Variants in CDH20 observed in about 807,000 individuals in gnomAD.
CDH20 encodes cadherin-20.
In CDH20, 29 loss-of-function variants were observed where a neutral mutation model predicts 74.2. The ratio of observed to expected loss-of-function variants is 0.39; its 90% CI spans 0.29 to 0.53. The LOEUF is 0.53. Ranked by LOEUF, CDH20 falls within the 20% of genes least tolerant of loss-of-function variation. The probability of loss-of-function intolerance (pLI) is 0.69; values close to 1 mark genes in which losing one functional copy is unlikely to be tolerated. For missense variants in CDH20, 988 were observed against 1,048.3 expected (o/e 0.94, Z 0.79); for synonymous variants, 469 against 405.4 (o/e 1.16, Z -1.88).
intron 1 of CDH20, among the ~76,000 whole-genome samples, chr18:61,427,380 T>C (rs892221954): frequency 1.3e-5 from 2 of 152,154 alleles, no homozygotes; most frequent in African/African-American, 4.8e-5. Flanking sequence ...ATTTAAATCA[T>C]TTGCCCAAGG....
chr18:61,541,551 G>C (rs565050938), intron 9 of CDH20, among the ~76,000 whole-genome samples: 1 of 152,136 alleles, frequency 6.6e-6, no homozygotes, highest in Non-Finnish European at 1.5e-5. Context: ...TTGTTATACA[G>C]TGATCTGAAG....
chr18:61,417,949 A>G (rs1434185339), intron 1 of CDH20, among the ~76,000 whole-genome samples: 1 of 151,592 alleles, frequency 6.6e-6, no homozygotes, highest in African/African-American at 2.4e-5. Flanking sequence ...TTAAGTATCC[A>G]TAATAACTAA....
chr18:61,539,070 A>T lies in CDH20; in HGVS notation c.1455A>T (p.Leu485Phe). Residue 485 changes from leucine to phenylalanine, a missense_variant, in exon 9 of 12, where the codon TTA becomes TTT. Around this residue, in one of 2 missense-constraint regions of CDH20, gnomAD observed 613 missense variants for 755.2 expected, o/e 0.81. Coordinates refer to ENST00000262717, the MANE Select transcript of CDH20 (RefSeq NM_031891.4). ...VGSVPVTIKV[L>F]DVNDNAPEFP... ...GTGTTCCTGTCACAATCAAAGTCTT[A>T]GATGTGAATGACAATGCTCCAGAGT... is the stretch of plus-strand genomic sequence containing the variant. The T allele has an allele frequency of 6.2e-7, 1 of 1,613,904 alleles. No homozygotes were observed.
intron 11 of CDH20, 85 bp from the exon 12 acceptor site, chr18:61,554,105 C>G: frequency 1.3e-6 from 2 of 1,497,724 alleles, no homozygotes; most frequent in Non-Finnish European, 9.1e-7. Context: ...CTTCCCCTAT[C>G]CGTGGTGAAT....
At chr18:61,495,477 G>T (rs1911103959) in intron 2 of CDH20, among the ~76,000 whole-genome samples, 1 of 152,190 alleles carries the variant, frequency 6.6e-6, no homozygotes, top group African/African-American at 2.4e-5. Flanking sequence ...CTCCCAGGTA[G>T]GTTCTGCCTG....
At chr18:61,404,791 T>G in intron 1 of CDH20, 1 of 309,052 alleles carries the variant, frequency 3.2e-6, no homozygotes. Flanking sequence ...AAAAAAAAAT[T>G]GTCAACTTTT....
chr18:61,490,994 C>G (rs1910940965), intron 2 of CDH20, among the ~76,000 whole-genome samples, 195 bp downstream of exon 2: 1 of 152,136 alleles, frequency 6.6e-6, no homozygotes, highest in Non-Finnish European at 1.5e-5. Context: ...ATTTCCTTGT[C>G]CATGTCTCTG....
chr18:61,526,123 T>TTTA (rs1176577431), intron 6 of CDH20, among the ~76,000 whole-genome samples: 1 of 83,924 alleles, frequency 1.2e-5, no homozygotes, highest in African/African-American at 4.8e-5. Context: ...AAAGTTGACT[T>TTTA]TTTTTTTTTT....
intron 1 of CDH20, among the ~76,000 whole-genome samples, chr18:61,417,874 T>TA (rs1347323149): frequency 6.6e-6 from 1 of 152,194 alleles, no homozygotes; most frequent in Non-Finnish European, 1.5e-5. Context: ...GTTACACACA[T>TA]AGGCAGTCAC....
At chr18:61,451,039 T>C (rs1909368476) in intron 1 of CDH20, among the ~76,000 whole-genome samples, 1 of 152,102 alleles carries the variant, frequency 6.6e-6, no homozygotes. Context: ...AAATATGGCT[T>C]GGTCAAAGAA....
intron 2 of CDH20, among the ~76,000 whole-genome samples, chr18:61,491,266 A>G (rs913134430): frequency 6.6e-6 from 1 of 152,042 alleles, no homozygotes; most frequent in African/African-American, 2.4e-5. Flanking sequence ...AGATCTTAGC[A>G]TGTGCTTTAG....
intron 1 of CDH20, among the ~76,000 whole-genome samples, chr18:61,334,702 G>T (rs1218471706): frequency 6.6e-6 from 1 of 152,086 alleles, no homozygotes; most frequent in Non-Finnish European, 1.5e-5. Context: ...AAGGCAGCCC[G>T]GAGGCAGCGT....
At chr18:61,483,995 C>CA (rs1910675141) in intron 1 of CDH20, among the ~76,000 whole-genome samples, 1 of 152,080 alleles carries the variant, frequency 6.6e-6, no homozygotes, top group Non-Finnish European at 1.5e-5. Context: ...TTACCTTTGC[C>CA]AAAAAATCTT....
chr18:61,355,415 T>A (rs1432487336), intron 1 of CDH20, among the ~76,000 whole-genome samples: 1 of 152,262 alleles, frequency 6.6e-6, no homozygotes, highest in Non-Finnish European at 1.5e-5. Context: ...TATCTGCCTG[T>A]ACATGAGAGG....
intron 1 of CDH20, among the ~76,000 whole-genome samples, chr18:61,339,941 C>T (rs536384061): frequency 5.3e-5 from 8 of 152,092 alleles, no homozygotes; most frequent in Non-Finnish European, 1.0e-4. Flanking sequence ...CCGCCCGCCT[C>T]GGCCTCGCAA....
At chr18:61,492,366 A>C (rs4941019) in intron 2 of CDH20, among the ~76,000 whole-genome samples, 46,786 of 151,858 alleles carry the variant, frequency 0.31, 7,776 homozygotes, top group East Asian at 0.48. Flanking sequence ...TAGCCTCCCA[A>C]CCAGTCTCCT....
At position 61,345,868 on chromosome 18, in the gene CDH20, C is replaced by CA. The variant is rs542418224; in HGVS notation, c.-153+12042dup. Reference sequence around the variant, plus strand: ...AGGTTGTTTGGGAATTTGGACAAAACAGACTAGGATTGACATGGGAAGGAA... The same window carrying CA: ...AGGTTGTTTGGGAATTTGGACAAAACAAGACTAGGATTGACATGGGAAGGAA... On this transcript the variant is annotated intron_variant, in intron 1 of 11. Coordinates refer to ENST00000262717, the MANE Select transcript of CDH20 (RefSeq NM_031891.4). 2.8e-4 allele frequency among the ~76,000 whole-genome samples: 42 copies of CA among 152,220 alleles called. 1 individual carries two copies. The Middle Eastern group carries it at 0.01, about 37-fold the overall frequency.
At chr18:61,337,244 A>C (rs1244566741) in intron 1 of CDH20, among the ~76,000 whole-genome samples, 1 of 152,096 alleles carries the variant, frequency 6.6e-6, no homozygotes, top group Non-Finnish European at 1.5e-5. Context: ...GAGAGCTAAG[A>C]CTCAGGGCTG....
At chr18:61,346,327 TAAC>T (rs1193185466) in intron 1 of CDH20, among the ~76,000 whole-genome samples, 1 of 152,164 alleles carries the variant, frequency 6.6e-6, no homozygotes, top group African/African-American at 2.4e-5. Context: ...CCATAGAAGA[TAAC>T]AAAATAACTT....
Sources: allele counts gnomAD v4.1 joint callset (sites outside exome capture counted in the v4.1 genomes callset), GRCh38; gene constraint gnomAD v4.1.1; regional missense constraint gnomAD v4.1.1; transcripts MANE v1.5; gene names NCBI Gene and HGNC (gene_info 2026-07-23, HGNC 2026-07-21).